The following EPHB1 variants were observed in gnomAD, a reference collection of about 807,000 sequenced individuals.
EPHB1 encodes the protein EPH receptor B1, also known as ephrin type-B receptor 1.
In EPHB1, 30 loss-of-function variants were observed where a neutral mutation model predicts 94.4. The ratio of observed to expected loss-of-function variants is 0.32; its 90% confidence interval spans 0.24 to 0.43. The LOEUF (loss-of-function observed/expected upper bound fraction) is 0.43, where lower values mean the gene tolerates loss of function less well. Among genes scored for constraint, EPHB1 ranks in the 20% least tolerant of loss-of-function variants. EPHB1 has a pLI of 1.00. For missense variants in EPHB1, 1,055 were observed against 1,308.3 expected (o/e 0.81, Z 2.99); for synonymous variants, 522 against 489.1 (o/e 1.07, Z -0.89).
At chr3:134,934,995 G>T (rs1194560033) in intron 2 of EPHB1, among the ~76,000 whole-genome samples, 1 of 152,152 alleles carries the variant, frequency 6.6e-6, no homozygotes, top group Non-Finnish European at 1.5e-5. Context: ...TTCCCCAAGA[G>T]GACAGTAGCC....
chr3:135,069,328 T>C (rs1576360310), intron 3 of EPHB1, among the ~76,000 whole-genome samples: 1 of 152,158 alleles, frequency 6.6e-6, no homozygotes, highest in East Asian at 1.9e-4. Context: ...GTTTTGCAAG[T>C]TCTGAGCAGG....
intron 9 of EPHB1, among the ~76,000 whole-genome samples, chr3:135,169,201 T>C (rs1310070018): frequency 2.0e-5 from 3 of 152,104 alleles, no homozygotes; most frequent in Non-Finnish European, 4.4e-5. Context: ...CTGAGATCCA[T>C]AGAAAAACCA....
intron 3 of EPHB1, among the ~76,000 whole-genome samples, chr3:135,039,781 A>T (rs1242593591): frequency 6.6e-6 from 1 of 152,140 alleles, no homozygotes; most frequent in Non-Finnish European, 1.5e-5. Context: ...CAAGCGCCGC[A>T]CGCAGCCCCG....
chr3:135,016,927 G>T (rs1440071517), intron 3 of EPHB1, among the ~76,000 whole-genome samples: 1 of 152,072 alleles, frequency 6.6e-6, no homozygotes, highest in Non-Finnish European at 1.5e-5. Context: ...GCTTATCTGG[G>T]CTGTAGCTCA....
intron 3 of EPHB1, among the ~76,000 whole-genome samples, chr3:135,091,853 C>T (rs976422422): frequency 3.3e-5 from 5 of 152,108 alleles, no homozygotes; most frequent in Admixed American, 6.6e-5. Context: ...TGTGTGCCCT[C>T]GTAGCCAGCC....
chr3:134,823,361 C>T (rs1302209300), intron 1 of EPHB1, among the ~76,000 whole-genome samples: 4 of 152,162 alleles, frequency 2.6e-5, no homozygotes, highest in Non-Finnish European at 5.9e-5. Flanking sequence ...TCCATGTCAT[C>T]GTGGTCCCCT....
chr3:134,945,220 A>G (rs2039194365), intron 2 of EPHB1, among the ~76,000 whole-genome samples: 1 of 152,062 alleles, frequency 6.6e-6, no homozygotes, highest in African/African-American at 2.4e-5. Context: ...AAATTTGCTC[A>G]TGGCTATTTC....
At chr3:135,183,011 T>TTTTCTTTTCTTTTCTTTTCTTTTCTTTTC (rs1559865202) in intron 10 of EPHB1, among the ~76,000 whole-genome samples, 15 of 72,814 alleles carry the variant, frequency 2.1e-4, no homozygotes, top group Non-Finnish European at 4.2e-4. Context: ...TTTTCTTTTC[T>TTTTCTTTTCTTTTCTTTTCTTTTCTTTTC]TTTCTTTTCT....
intron 3 of EPHB1, among the ~76,000 whole-genome samples, chr3:134,995,014 G>A (rs1411544217): frequency 1.3e-5 from 2 of 151,594 alleles, no homozygotes; most frequent in Admixed American, 6.6e-5. Flanking sequence ...GTGTGTGTGT[G>A]TATTTAGATC....
rs543678724 is a variant in EPHB1 at position 135,252,738 on chromosome 3, G to A, written c.2846+3247G>A. Among the ~76,000 whole-genome samples the A allele has an allele frequency of 1.9e-3, 267 of 141,582 alleles. 2 individuals are homozygous for A. Among genetic ancestry groups the A allele is most frequent in the African/African-American group, 6.5e-3 (256 of 39,188 alleles). 92.9% of individuals were successfully genotyped at this position (141,582 alleles called of 152,430 possible). The stretch of plus-strand genomic sequence containing the variant: ...TCCTTTGGGTATATACCCAGTAATG[G>A]GATGGCTGGGTCAAATGGTATTTCC... On this transcript the variant is annotated intron_variant, in intron 15 of 15. Coordinates refer to ENST00000398015, the MANE Select transcript of EPHB1 (RefSeq NM_004441.5).
At chr3:135,145,624 A>G (rs1940985829) in intron 5 of EPHB1, among the ~76,000 whole-genome samples, 1 of 152,224 alleles carries the variant, frequency 6.6e-6, no homozygotes, top group Admixed American at 6.5e-5. Flanking sequence ...TAAAAAATAG[A>G]AAACTGCCAA....
At chr3:135,241,944 C>A (rs116451679) in intron 13 of EPHB1, among the ~76,000 whole-genome samples, 2 of 152,232 alleles carry the variant, frequency 1.3e-5, no homozygotes, top group South Asian at 4.2e-4. Context: ...GGTCAACACT[C>A]CCCCAGGATG....
At chr3:134,994,536 A>G (rs1295911921) in intron 3 of EPHB1, among the ~76,000 whole-genome samples, 3 of 152,150 alleles carry the variant, frequency 2.0e-5, no homozygotes, top group East Asian at 1.9e-4. Context: ...CAAAATACCC[A>G]TTGTGCCTGC....
chr3:135,203,869 T>C (rs1942825252), intron 12 of EPHB1, among the ~76,000 whole-genome samples: 1 of 152,116 alleles, frequency 6.6e-6, no homozygotes, highest in Non-Finnish European at 1.5e-5. Context: ...CTACCAGGAG[T>C]GTATGGTGCC....
At chr3:135,093,065 C>A (rs1338270659) in intron 3 of EPHB1, among the ~76,000 whole-genome samples, 1 of 152,214 alleles carries the variant, frequency 6.6e-6, no homozygotes, top group Non-Finnish European at 1.5e-5. Context: ...CTTCTTCTTA[C>A]CCAATATAAA....
At chr3:135,084,736 T>C (rs1938287397) in intron 3 of EPHB1, among the ~76,000 whole-genome samples, 1 of 152,164 alleles carries the variant, frequency 6.6e-6, no homozygotes. Flanking sequence ...TGAGATATTG[T>C]AGAACATGAA....
At chr3:135,084,714 G>A (rs975407194) in intron 3 of EPHB1, among the ~76,000 whole-genome samples, 1 of 152,144 alleles carries the variant, frequency 6.6e-6, no homozygotes, top group Non-Finnish European at 1.5e-5. Flanking sequence ...CAGCTCCACG[G>A]TCCTTCTATT....
chr3:135,253,013 T>A (rs1358742792), intron 15 of EPHB1, among the ~76,000 whole-genome samples: 2 of 150,478 alleles, frequency 1.3e-5, no homozygotes, highest in Non-Finnish European at 3.0e-5. Flanking sequence ...ATAAATGTCT[T>A]CTTTTGAGAA....
rs534054122 is a variant in EPHB1 at position 135,081,840 on chromosome 3, T to C, written c.806-24608T>C. Among the ~76,000 whole-genome samples the C allele has an allele frequency of 2.0e-5, 3 of 151,964 alleles. No homozygotes were observed. In the East Asian group the frequency reaches 5.8e-4, roughly 30 times the overall value. ...CATGGATGCAGAGTCAGGGCCAACA[T>C]CAGGAGAGCAAGAGGGCACAGAATG... is the stretch of plus-strand genomic sequence containing the variant. On this transcript the variant is annotated intron_variant, in intron 3 of 15. Coordinates refer to ENST00000398015, the MANE Select transcript of EPHB1 (RefSeq NM_004441.5).
Sources: allele counts gnomAD v4.1 joint callset (sites outside exome capture counted in the v4.1 genomes callset), GRCh38; gene constraint gnomAD v4.1.1; transcripts MANE v1.5; gene names NCBI Gene and HGNC (gene_info 2026-07-23, HGNC 2026-07-21).